The following DLG2 variants were observed in gnomAD, a reference collection of about 807,000 sequenced individuals.
DLG2 encodes discs large MAGUK scaffold protein 2, also known as disks large homolog 2.
In DLG2, 45 loss-of-function variants were observed where a neutral mutation model predicts 132.5. That is an observed-to-expected ratio of 0.34 (90% confidence interval 0.27 to 0.44). The LOEUF (loss-of-function observed/expected upper bound fraction) is 0.44, where lower values mean the gene tolerates loss of function less well. Among genes scored for constraint, DLG2 ranks in the 20% least tolerant of loss-of-function variants. The probability of loss-of-function intolerance (pLI) is 1.00; values close to 1 mark genes in which losing one functional copy is unlikely to be tolerated. For synonymous variants in DLG2, 424 were observed against 419.6 expected (o/e 1.01, Z -0.13); for missense variants, 1,045 against 1,196.9 (o/e 0.87, Z 1.87).
intron 7 of DLG2, among the ~76,000 whole-genome samples, chr11:84,298,825 G>T (rs189629580): frequency 6.6e-6 from 1 of 152,306 alleles, no homozygotes; most frequent in African/African-American, 2.4e-5. Flanking sequence ...CTGCATGGTG[G>T]CTTCAGGGAA....
At chr11:84,161,457 T>A (rs1376164232) in intron 9 of DLG2, among the ~76,000 whole-genome samples, 1 of 152,046 alleles carries the variant, frequency 6.6e-6, no homozygotes, top group Admixed American at 6.6e-5. Flanking sequence ...AGGGGGCAGT[T>A]AATGGCAGTA....
At chr11:85,516,836 C>A (rs760289010) in intron 3 of DLG2, among the ~76,000 whole-genome samples, 1 of 151,742 alleles carries the variant, frequency 6.6e-6, no homozygotes, top group Admixed American at 6.6e-5. Context: ...CTGAATTCCA[C>A]CAAAAGTACA....
intron 6 of DLG2, among the ~76,000 whole-genome samples, chr11:84,809,525 C>T (rs528147763): frequency 2.2e-4 from 34 of 151,548 alleles, no homozygotes; most frequent in Non-Finnish European, 3.8e-4. Context: ...AAAAGAAATC[C>T]TAATGAACCT....
intron 3 of DLG2, among the ~76,000 whole-genome samples, chr11:85,466,585 G>C (rs563224284): frequency 1.3e-5 from 2 of 152,222 alleles, no homozygotes; most frequent in Middle Eastern, 3.4e-3. Flanking sequence ...CCTACTTCTT[G>C]TTTTTGTCAG....
At chr11:83,851,446 G>A (rs2059756093) in intron 16 of DLG2, among the ~76,000 whole-genome samples, 1 of 150,964 alleles carries the variant, frequency 6.6e-6, no homozygotes, top group South Asian at 2.1e-4. Flanking sequence ...CCAACATGGT[G>A]AAACCTCTTC....
intron 3 of DLG2, among the ~76,000 whole-genome samples, chr11:85,355,024 C>T (rs1449625796): frequency 1.3e-5 from 2 of 151,860 alleles, no homozygotes; most frequent in African/African-American, 2.4e-5. Flanking sequence ...GTTTTTTGCA[C>T]ATTTTTGGCA....
intron 4 of DLG2, among the ~76,000 whole-genome samples, chr11:85,210,118 C>A (rs1411883024): frequency 1.3e-5 from 2 of 152,112 alleles, no homozygotes; most frequent in African/African-American, 4.8e-5. Flanking sequence ...AATTATTTAT[C>A]TTGTTGATCA....
chr11:84,389,283 T>C (rs1297727491), intron 7 of DLG2, among the ~76,000 whole-genome samples: 2 of 152,070 alleles, frequency 1.3e-5, no homozygotes, highest in African/African-American at 4.8e-5. Flanking sequence ...CCTTGTAAAG[T>C]ACATATAAAT....
intron 7 of DLG2, among the ~76,000 whole-genome samples, chr11:84,494,827 C>T (rs2099176295): frequency 6.6e-6 from 1 of 152,146 alleles, no homozygotes; most frequent in African/African-American, 2.4e-5. Context: ...TGACTTGCTG[C>T]AACATCTTCC....
chr11:85,024,305 C>A (rs568554920), intron 6 of DLG2, among the ~76,000 whole-genome samples: 1 of 152,146 alleles, frequency 6.6e-6, no homozygotes, highest in Non-Finnish European at 1.5e-5. Flanking sequence ...ATGTATCTGA[C>A]GCACATTTTA....
At chr11:84,991,220 A>G (rs2057062233) in intron 6 of DLG2, among the ~76,000 whole-genome samples, 1 of 152,170 alleles carries the variant, frequency 6.6e-6, no homozygotes, top group Non-Finnish European at 1.5e-5. Context: ...AAAAGAAGAA[A>G]GTGGGGATGT....
intron 7 of DLG2, among the ~76,000 whole-genome samples, chr11:84,439,636 A>G (rs957809801): frequency 6.6e-6 from 1 of 152,172 alleles, no homozygotes; most frequent in Non-Finnish European, 1.5e-5. Context: ...ATAAATATAC[A>G]TGGTAACTCC....
intron 11 of DLG2, among the ~76,000 whole-genome samples, chr11:84,005,343 C>A (rs2094530452): frequency 6.6e-6 from 1 of 151,828 alleles, no homozygotes; most frequent in Non-Finnish European, 1.5e-5. Flanking sequence ...ATACAAAAAT[C>A]AACTCAAGAC....
At chr11:85,044,059 G>T (rs1039553386) in intron 6 of DLG2, among the ~76,000 whole-genome samples, 1 of 151,974 alleles carries the variant, frequency 6.6e-6, no homozygotes, top group East Asian at 1.9e-4. Context: ...AATGGCCCCT[G>T]ATCTTTCTCT....
chr11:83,576,779 G>A (rs2096880442), intron 19 of DLG2, among the ~76,000 whole-genome samples: 1 of 152,168 alleles, frequency 6.6e-6, no homozygotes, highest in Non-Finnish European at 1.5e-5. Context: ...AAGAAGTAGT[G>A]AAGGAAGTAC....
Position 84,287,729 on chromosome 11 carries a change from TTC to T in DLG2, c.520-36440_520-36439del, listed in dbSNP as rs533810802. 1.8e-3 allele frequency among the ~76,000 whole-genome samples: 222 copies of T among 125,194 alleles called. 1 individual carries two copies. Among genetic ancestry groups the T allele is most frequent in the African/African-American group, 4.9e-3 (161 of 32,928 alleles). The allele number at this position is 125,194 out of a possible 152,430, so 82.1% of individuals were successfully genotyped here. ...TCTCTCCTTCTCTCCCTCCATATTT[TTC>T]TCTCTCTTAGACACACACACACACA... On this transcript the variant is annotated intron_variant, in intron 7 of 27. Coordinates refer to ENST00000376104, the MANE Select transcript of DLG2 (RefSeq NM_001142699.3).
Position 84,534,697 on chromosome 11 carries a change from T to C in DLG2, c.392A>G (p.Asp131Gly). 1 of 1,614,036 alleles carries C rather than the reference T, an allele frequency of 6.2e-7. No homozygotes were observed. The highest frequency in any genetic ancestry group is 8.5e-7 in the Non-Finnish European group (1 of 1,179,942). The change falls in exon 7 of 28, where the codon GAT becomes GGT. Residue 131 changes from aspartate to glycine, a missense_variant. Physicochemically the swap from Asp to Gly is moderately conservative, Grantham distance 94. Coordinates refer to ENST00000376104, the MANE Select transcript of DLG2 (RefSeq NM_001142699.3). ...YRYQDEDAPH[D>G]HSLPRLTHEV... is the part of the protein sequence containing the mutation. ...GTGGGTTAGTCGAGGTAAGGAATGA[T>C]CATGTGGAGCGTCCTCATCTTGATA...
At chr11:84,697,242 T>C (rs1327973086) in intron 6 of DLG2, among the ~76,000 whole-genome samples, 1 of 151,456 alleles carries the variant, frequency 6.6e-6, no homozygotes, top group Admixed American at 6.6e-5. Context: ...TGTAATTGTT[T>C]GACTATAGCT....
At chr11:85,054,212 C>A (rs1239769188) in intron 6 of DLG2, among the ~76,000 whole-genome samples, 5 of 151,286 alleles carry the variant, frequency 3.3e-5, no homozygotes, top group African/African-American at 1.2e-4. Flanking sequence ...TTGCAGTGAG[C>A]CGAGATCATA....
Sources: gnomAD v4.1 joint callset for allele counts (sites outside exome capture counted in the v4.1 genomes callset) on GRCh38, gnomAD v4.1.1 for gene constraint, MANE v1.5 for transcripts, NCBI Gene and HGNC (gene_info 2026-07-23, HGNC 2026-07-21) for gene names.